DAB1: variants seen among roughly 807,000 people sequenced by gnomAD.
The protein encoded by DAB1 is DAB adaptor protein 1.
DAB1 carries 15 observed loss-of-function variants against 64.6 expected under a neutral mutation model. That is an observed-to-expected ratio of 0.23 (90% CI 0.16 to 0.36). The LOEUF (loss-of-function observed/expected upper bound fraction) is 0.36, where lower values mean the gene tolerates loss of function less well. DAB1 is among the 10% of genes least tolerant of loss of function. The pLI, the probability that DAB1 is intolerant of heterozygous loss-of-function variation, is 1.00. For missense variants in DAB1, 596 were observed against 706.7 expected (o/e 0.84, Z 1.78); for synonymous variants, 235 against 251.9 (o/e 0.93, Z 0.64).
intron 4 of DAB1, among the ~76,000 whole-genome samples, chr1:58,163,269 T>C (rs151193909): frequency 6.6e-6 from 1 of 152,182 alleles, no homozygotes; most frequent in Non-Finnish European, 1.5e-5. Context: ...ACTTAGTAAC[T>C]GGCACAAACA....
At chr1:57,948,821 C>A (rs1645222536) in intron 5 of DAB1, among the ~76,000 whole-genome samples, 1 of 152,132 alleles carries the variant, frequency 6.6e-6, no homozygotes, top group African/African-American at 2.4e-5. Context: ...CTAGAGGAAG[C>A]CAAGCCAAGA....
At chr1:57,857,524 C>T (rs75092654) in intron 1 of DAB1, among the ~76,000 whole-genome samples, 5,540 of 152,186 alleles carry the variant, frequency 0.036, 151 homozygotes, top group East Asian at 0.13. Flanking sequence ...CTCATTTTAT[C>T]CTTGTAACAA....
Position 58,530,819 on chromosome 1 carries a change from C to G in DAB1, n.33-3484G>C, listed in dbSNP as rs1275097824. On this transcript the variant is annotated intron_variant and non_coding_transcript_variant, in intron 1 of 20. Coordinates refer to the DAB1 transcript ENST00000485760. ...CTAGTTCATCATGTGTTACAATTAC[C>G]TGACCTTCTCCACCTAAGACTGAGA... 3 of 727,756 alleles carry G rather than the reference C, an allele frequency of 4.1e-6. No individual in the cohort carries two copies. In the East Asian group the frequency reaches 8.1e-5, roughly 20 times the overall value. The allele number at this position is 727,756 out of a possible 1,614,324, so 45.1% of individuals were successfully genotyped here.
At chr1:57,521,901 G>A (rs1400563639) in intron 7 of DAB1, among the ~76,000 whole-genome samples, 6 of 152,120 alleles carry the variant, frequency 3.9e-5, no homozygotes, top group Non-Finnish European at 8.8e-5. Context: ...CTTAAGGCCA[G>A]GAGTTCGAGA....
rs765495623 is a variant in DAB1, at chr1:57,014,874, G to A, written c.1444+9C>T. 1 of 1,538,360 alleles carries A rather than the reference G, an allele frequency of 6.5e-7. No individual in the cohort carries two copies. The highest frequency in any genetic ancestry group is 8.8e-7 in the Non-Finnish European group (1 of 1,141,176). On this transcript the variant is annotated intron_variant, in intron 12 of 14. Coordinates refer to ENST00000371236, the MANE Select transcript of DAB1 (RefSeq NM_001365792.1). ...ATTGGGTTTTATGTCTTAAGTGAGG[G>A]GCACTCACGTGAGTTGGTCGATGGT...
At chr1:57,754,693 TAAACAAACAAACAAACA>T (rs932248283) in intron 6 of DAB1, among the ~76,000 whole-genome samples, 11 of 149,944 alleles carry the variant, frequency 7.3e-5, no homozygotes, top group Non-Finnish European at 1.3e-4. Flanking sequence ...CTGTCTAAAA[TAAACAAACAAACAAACA>T]AAACAAACAA....
intron 6 of DAB1, among the ~76,000 whole-genome samples, chr1:57,690,078 GACAGGATCTC>G (rs1261952715): frequency 1.3e-5 from 2 of 152,120 alleles, no homozygotes; most frequent in Non-Finnish European, 2.9e-5. Context: ...TGTTGCAAAT[GACAGGATCTC>G]ACTCTTTTTC....
At chr1:57,707,099 AC>A (rs375876593) in intron 6 of DAB1, among the ~76,000 whole-genome samples, 15 of 151,514 alleles carry the variant, frequency 9.9e-5, no homozygotes, top group African/African-American at 2.9e-4. Context: ...AAACAAAAAA[AC>A]CCCCCAAAAA....
chr1:57,953,790 T>A (rs1645327749), intron 5 of DAB1, among the ~76,000 whole-genome samples: 1 of 152,130 alleles, frequency 6.6e-6, no homozygotes, highest in South Asian at 2.1e-4. Flanking sequence ...TATCTGCTGG[T>A]TGGCAGTGGC....
At chr1:58,219,023 C>CTGTG (rs1376007172) in intron 4 of DAB1, among the ~76,000 whole-genome samples, 4 of 115,400 alleles carry the variant, frequency 3.5e-5, no homozygotes, top group African/African-American at 1.5e-4. Context: ...CTCTCTCTCT[C>CTGTG]TCTGTGTGTG....
intron 2 of DAB1, among the ~76,000 whole-genome samples, chr1:57,221,576 A>G (rs1474436362): frequency 7.2e-5 from 11 of 152,122 alleles, no homozygotes; most frequent in Non-Finnish European, 1.6e-4. Context: ...CCTAGCACAT[A>G]TGGGGCTTGG....
At chr1:57,695,627 C>G (rs113612633) in intron 6 of DAB1, among the ~76,000 whole-genome samples, 1 of 152,030 alleles carries the variant, frequency 6.6e-6, no homozygotes, top group African/African-American at 2.4e-5. Flanking sequence ...GAGCCGGGAG[C>G]GGTGGCTCAC....
At chr1:57,260,086 A>C (rs1405162757) in intron 2 of DAB1, among the ~76,000 whole-genome samples, 1 of 152,168 alleles carries the variant, frequency 6.6e-6, no homozygotes, top group Non-Finnish European at 1.5e-5. Flanking sequence ...GCCAAGAAGG[A>C]GCCTCACCAG....
At chr1:58,170,071 C>T (rs921583588) in intron 4 of DAB1, among the ~76,000 whole-genome samples, 4 of 152,080 alleles carry the variant, frequency 2.6e-5, no homozygotes, top group African/African-American at 4.8e-5. Flanking sequence ...AGCTGCAGCC[C>T]GAGAGTTTGG....
chr1:58,434,513 G>T (rs982242197), intron 3 of DAB1, among the ~76,000 whole-genome samples: 6 of 152,166 alleles, frequency 3.9e-5, no homozygotes, highest in African/African-American at 1.4e-4. Context: ...AGCTGATTTA[G>T]GAAGAAGGAA....
At chr1:58,430,445 T>C (rs1644859770) in intron 3 of DAB1, among the ~76,000 whole-genome samples, 1 of 152,032 alleles carries the variant, frequency 6.6e-6, no homozygotes. Context: ...TAAGAGATCA[T>C]ATCAGGTTAA....
At chr1:57,393,806 A>G (rs1443962867) in intron 1 of DAB1, among the ~76,000 whole-genome samples, 1 of 152,168 alleles carries the variant, frequency 6.6e-6, no homozygotes, top group Non-Finnish European at 1.5e-5. Flanking sequence ...TTGAGCTACA[A>G]CAGCTGAGTT....
intron 1 of DAB1, among the ~76,000 whole-genome samples, chr1:57,831,518 T>C (rs75586127): frequency 1.6e-3 from 242 of 149,594 alleles, no homozygotes; most frequent in African/African-American, 5.7e-3. Context: ...AACTAAATAA[T>C]ACATATTTAT....
intron 3 of DAB1, among the ~76,000 whole-genome samples, chr1:58,489,441 T>C (rs1163239311): frequency 6.6e-6 from 1 of 152,084 alleles, no homozygotes; most frequent in Non-Finnish European, 1.5e-5. Context: ...ACAAAGCAGC[T>C]GGGAAGCTCG....
Sources: allele counts gnomAD v4.1 joint callset (sites outside exome capture counted in the v4.1 genomes callset), GRCh38; gene constraint gnomAD v4.1.1; transcripts MANE v1.5; gene names NCBI Gene and HGNC (gene_info 2026-07-23, HGNC 2026-07-21).